The following TYROBP variants were observed in gnomAD, a reference collection of about 807,000 sequenced individuals.
TYROBP encodes transmembrane immune signaling adaptor TYROBP.
TYROBP carries 14 observed loss-of-function variants against 17.1 expected under a neutral mutation model. That is an observed-to-expected ratio of 0.82 (90% CI 0.54 to 1.28). The LOEUF is 1.28. Among genes scored for constraint, TYROBP ranks in the 50% most tolerant of loss-of-function variants. TYROBP has a pLI of 0.00. For synonymous variants in TYROBP, 73 were observed against 67.4 expected (o/e 1.08, Z -0.41); for missense variants, 161 against 151.4 (o/e 1.06, Z -0.33).
Position 35,904,640 on chromosome 19 carries a change from G to A in TYROBP, c.277-6C>T, listed in dbSNP as rs754984262. On this transcript the variant is annotated splice_region_variant and splice_polypyrimidine_tract_variant and intron_variant, in intron 4 of 4. Transcript: ENST00000262629. ...GACCTCTGACCCTGGAGCTCCTAAA[G>A]GAATGGGGGCCATCAGTGGAAGGGA... The A allele has an allele frequency of 1.9e-6, 3 of 1,612,056 alleles. No homozygotes were observed. The highest frequency in any genetic ancestry group is 2.5e-6 in the Non-Finnish European group (3 of 1,179,026).
chr19:35,906,396 A>AT (rs1975725778), intron 4 of TYROBP, among the ~76,000 whole-genome samples: 1 of 151,734 alleles, frequency 6.6e-6, no homozygotes, highest in Non-Finnish European at 1.5e-5. Context: ...GCCAAAAAAA[A>AT]ATTTTTTTTA....
chr19:35,907,139 T>C (rs1975742984), intron 4 of TYROBP, 79 bp downstream of exon 4: 9 of 1,430,122 alleles, frequency 6.3e-6, no homozygotes, highest in African/African-American at 1.4e-5. Flanking sequence ...TTGAGGTCCC[T>C]CTGATGGCAT....
Position 35,907,751 on chromosome 19 carries a change from C to T in TYROBP, c.73G>A (p.Val25Ile). The T allele has an allele frequency of 6.2e-7, 1 of 1,613,620 alleles. No homozygotes were observed. The highest frequency in any genetic ancestry group is 8.5e-7 in the Non-Finnish European group (1 of 1,179,956). ...LLLAVSGLRP[V>I]QAQAQSDCSC... ...CTACCGCTCTGGGCCTGGGCCTGGA[C>T]AGGACGGAGACCTGAGGAGGAAAAA... Residue 25 changes from valine to isoleucine, a missense_variant, in exon 2 of 5, where the codon GTC (valine) becomes ATC (isoleucine). Physicochemically the swap from Val to Ile is conservative, Grantham distance 29 (BLOSUM62 3). Coordinates refer to ENST00000262629, the MANE Select transcript of TYROBP (RefSeq NM_003332.4).
At chr19:35,907,016 C>A (rs931268144) in intron 4 of TYROBP, among the ~76,000 whole-genome samples, 1 of 152,140 alleles carries the variant, frequency 6.6e-6, no homozygotes, top group African/African-American at 2.4e-5. Flanking sequence ...CGTGCCCAGC[C>A]CCTCTTCACA....
In TYROBP at chr19:35,904,487, G is replaced by A. The variant is rs758917899; in HGVS notation, c.*82C>T. 1 of 1,408,026 alleles carries A rather than the reference G, an allele frequency of 7.1e-7. No homozygotes were observed. Among genetic ancestry groups the A allele is most frequent in the African/African-American group, 1.4e-5 (1 of 71,090 alleles). 87.2% of individuals were successfully genotyped at this position (1,408,026 alleles called of 1,614,324 possible). A position where few individuals can be genotyped will look rare whatever the true frequency, so the allele number is the denominator to read the frequency against. ...TGGCACTCTGTGGGTCTGTATCGCG[G>A]TAGGAGTTGGAATGAGGTGCAGGGT... is the stretch of plus-strand genomic sequence containing the variant. On this transcript the variant is annotated 3_prime_UTR_variant, in exon 5 of 5. Transcript: ENST00000262629.
intron 3 of TYROBP, 56 bp downstream of exon 3, chr19:35,907,390 G>GCCCCCC: frequency 9.1e-6 from 13 of 1,425,246 alleles, no homozygotes; most frequent in Non-Finnish European, 1.1e-5. Context: ...AGTTTACCCA[G>GCCCCCC]CCCCCCACCC....
chr19:35,907,201 C>T lies in TYROBP; in HGVS notation c.276+17G>A, dbSNP rs1975744634. The stretch of plus-strand genomic sequence containing the variant: ...TGGCAGGAGTGAAATGTGAGGAGGA[C>T]AGTCTGGTTTTCTCACCTGATAAGG... On this transcript the variant is annotated intron_variant, in intron 4 of 4. Transcript: ENST00000262629. The T allele has an allele frequency of 5.0e-6, 8 of 1,594,704 alleles. No homozygotes were observed. The South Asian group carries it at 9.1e-5, about 18-fold the overall frequency.
At chr19:35,907,847 C>T in intron 1 of TYROBP, 85 bp from the exon 2 acceptor site, 1 of 1,451,872 alleles carries the variant, frequency 6.9e-7, no homozygotes, top group South Asian at 1.2e-5. Context: ...GAAGGTGGAT[C>T]CTGACAGCCA....
At position 35,908,214 on chromosome 19, in the gene TYROBP, T is replaced by A. The variant is rs763781935; in HGVS notation, c.15A>T (p.Glu5Asp). 1 of 1,613,498 alleles carries A rather than the reference T, an allele frequency of 6.2e-7. No homozygotes were observed. The highest frequency in any genetic ancestry group is 8.5e-7 in the Non-Finnish European group (1 of 1,179,892). ...GCAGGAGCAGGAGCCTGCTGCAGGG[T>A]TCAAGTCCCCCCATGAAGCCGGATG... is the stretch of plus-strand genomic sequence containing the variant. MGGLEPCSRLLLLPL... is the reference protein window; with the variant it reads MGGLDPCSRLLLLPL... Residue 5 changes from glutamate to aspartate, a missense_variant, in exon 1 of 5, where the codon GAA becomes GAT. Transcript: ENST00000262629.
rs760509495 is a variant in TYROBP, at chr19:35,907,227, C to T, written c.267G>A (p.Ser89=). 105 of 1,603,400 alleles carry T rather than the reference C, an allele frequency of 6.5e-5. No homozygotes were observed. The highest frequency in any genetic ancestry group is 5.9e-4 in the African/African-American group (44 of 74,836). ...TRKQRITETE[S]PYQELQGQRS... Reference sequence around the variant, plus strand: ...AGTCTGGTTTTCTCACCTGATAAGGCGACTCGGTCTCAGTGATACGCTGTT... The same window carrying T: ...AGTCTGGTTTTCTCACCTGATAAGGTGACTCGGTCTCAGTGATACGCTGTT... Residue 89 remains serine, a synonymous_variant, in exon 4 of 5, where the codon TCG becomes TCA. Transcript: ENST00000262629.
Position 35,904,559 on chromosome 19 carries a change from T to A in TYROBP, c.*10A>T. 1.2e-6 allele frequency: 2 copies of A among 1,613,488 alleles called. No individual in the cohort carries two copies. Among genetic ancestry groups the A allele is most frequent in the Non-Finnish European group, 1.7e-6 (2 of 1,179,798 alleles). ...CCAGGTATCATGTTGCTGACTGTCA[T>A]GATTCGGGCTCATTTGTAATACGGC... On this transcript the variant is annotated 3_prime_UTR_variant, in exon 5 of 5. Transcript: ENST00000262629.
Position 35,907,232 on chromosome 19 carries a change from C to T in TYROBP, c.262G>A (p.Glu88Lys), listed in dbSNP as rs386833842. 6.2e-6 allele frequency: 10 copies of T among 1,605,712 alleles called. No individual in the cohort carries two copies. Among genetic ancestry groups the T allele is most frequent in the East Asian group, 2.2e-5 (1 of 44,698 alleles). ...ATRKQRITET[E>K]SPYQELQGQR... ...GGTTTTCTCACCTGATAAGGCGACT[C>T]GGTCTCAGTGATACGCTGTTTCCGG... is the stretch of plus-strand genomic sequence containing the variant. Residue 88 changes from glutamate (E) to lysine (K), a missense_variant, in exon 4 of 5, where the codon GAG (glutamate) becomes AAG (lysine). By Grantham distance (56) the Glu-to-Lys change is moderately conservative (BLOSUM62 1). Coordinates refer to ENST00000262629, the MANE Select transcript of TYROBP (RefSeq NM_003332.4).
At chr19:35,907,184 G>C in intron 4 of TYROBP, 34 bp downstream of exon 4, 1 of 1,580,644 alleles carries the variant, frequency 6.3e-7, no homozygotes. Flanking sequence ...CCTGGCAGGA[G>C]TGAAATGTGA....
chr19:35,907,192 TGAG>T (rs1308978106), intron 4 of TYROBP, 23 bp downstream of exon 4: 6 of 1,588,986 alleles, frequency 3.8e-6, no homozygotes, highest in East Asian at 4.5e-5. Flanking sequence ...GAGTGAAATG[TGAG>T]GAGGACAGTC....
At chr19:35,908,083 G>T in intron 1 of TYROBP, 85 bp downstream of exon 1, 4 of 1,236,418 alleles carry the variant, frequency 3.2e-6, no homozygotes, top group Non-Finnish European at 3.5e-6. Flanking sequence ...ACCCACTTTT[G>T]GTTCTCTCGT....
At chr19:35,906,876 G>A (rs370741151) in intron 4 of TYROBP, among the ~76,000 whole-genome samples, 4 of 151,994 alleles carry the variant, frequency 2.6e-5, no homozygotes, top group African/African-American at 9.7e-5. Context: ...ACAGGCATGC[G>A]TTACCACGCC....
rs1975672361 is a variant in TYROBP, at chr19:35,904,593, G to A, written c.318C>T (p.Asn106=). The change falls in exon 5 of 5, where the codon AAC becomes AAT. Residue 106 remains asparagine, a synonymous_variant. Coordinates refer to ENST00000262629, the MANE Select transcript of TYROBP (RefSeq NM_003332.4). ...GQRSDVYSDL[N]TQRPYYK ...CTCATTTGTAATACGGCCTCTGTGTGTTGAGGTCGCTGTAGACATCCGACC... is the reference window on the plus strand; with the variant it reads ...CTCATTTGTAATACGGCCTCTGTGTATTGAGGTCGCTGTAGACATCCGACC... The A allele has an allele frequency of 6.2e-7, 1 of 1,613,550 alleles. No individual in the cohort carries two copies. The highest frequency in any genetic ancestry group is 1.1e-5 in the South Asian group (1 of 90,938).
At chr19:35,907,625 T>G in intron 2 of TYROBP, 45 bp from the exon 3 acceptor site, 1 of 1,612,602 alleles carries the variant, frequency 6.2e-7, no homozygotes, top group African/African-American at 1.3e-5. Context: ...CTGGGAACTG[T>G]GGGGAGGGGG....
At position 35,908,219 on chromosome 19, in the gene TYROBP, G is replaced by C; in HGVS notation, c.10C>G (p.Leu4Val). 6.2e-7 allele frequency: 1 copy of C among 1,613,980 alleles called. No homozygotes were observed. Among genetic ancestry groups the C allele is most frequent in the Non-Finnish European group, 8.5e-7 (1 of 1,179,962 alleles). ...AGCAGGAGCCTGCTGCAGGGTTCAAGTCCCCCCATGAAGCCGGATGCTGCT... is the reference window on the plus strand; with the variant it reads ...AGCAGGAGCCTGCTGCAGGGTTCAACTCCCCCCATGAAGCCGGATGCTGCT... MGGLEPCSRLLLLP... is the reference protein window; with the variant it reads MGGVEPCSRLLLLP... Residue 4 changes from leucine (L) to valine (V), a missense_variant, in exon 1 of 5, where the codon CTT becomes GTT. Physicochemically the swap from Leu to Val is conservative, Grantham distance 32. Transcript: ENST00000262629.
Sources: gnomAD v4.1 joint callset for allele counts (sites outside exome capture counted in the v4.1 genomes callset) on GRCh38, gnomAD v4.1.1 for gene constraint, MANE v1.5 for transcripts, NCBI Gene and HGNC (gene_info 2026-07-23, HGNC 2026-07-21) for gene names.